STX7: variants seen among roughly 807,000 people sequenced by gnomAD.
STX7 encodes the protein syntaxin-7.
Under a neutral mutation model 39.6 loss-of-function variants are expected in STX7, and 34 were observed. That is an observed-to-expected ratio of 0.86 (90% CI 0.65 to 1.14). STX7 has a LOEUF of 1.14. STX7 is among the 50% of genes most tolerant of loss of function. The pLI is 0.00. For synonymous variants in STX7, 119 were observed against 99.1 expected (o/e 1.20, Z -1.19); for missense variants, 284 against 310.4 (o/e 0.92, Z 0.64).
chr6:132,499,889 TGTCCTGAACTGTA>T (rs1775511329), intron 2 of STX7, among the ~76,000 whole-genome samples: 1 of 152,220 alleles, frequency 6.6e-6, no homozygotes, highest in African/African-American at 2.4e-5. Flanking sequence ...CTCCCCTACT[TGTCCTGAACTGTA>T]GTCCCTCCCG....
intron 1 of STX7, among the ~76,000 whole-genome samples, chr6:132,508,535 G>C (rs921259871): frequency 1.3e-5 from 2 of 152,176 alleles, no homozygotes; most frequent in Admixed American, 1.3e-4. Flanking sequence ...CGTTGTTGTT[G>C]TTTGAGACAG....
intron 2 of STX7, among the ~76,000 whole-genome samples, chr6:132,497,150 CA>C (rs1286582685): frequency 6.6e-6 from 1 of 151,860 alleles, no homozygotes; most frequent in African/African-American, 2.4e-5. Flanking sequence ...TTCATCCTAG[CA>C]AAAAATAAAA....
At chr6:132,463,671 C>T (rs1228528997) in intron 9 of STX7, among the ~76,000 whole-genome samples, 1 of 152,090 alleles carries the variant, frequency 6.6e-6, no homozygotes, top group Non-Finnish European at 1.5e-5. Context: ...GGGCCTATCA[C>T]AAAAAGGTTT....
chr6:132,469,500 T>C (rs1446401059), intron 7 of STX7, among the ~76,000 whole-genome samples: 1 of 152,180 alleles, frequency 6.6e-6, no homozygotes, highest in Non-Finnish European at 1.5e-5. Flanking sequence ...AAAGGAATTA[T>C]TCCAACTCAT....
In STX7 at chr6:132,503,504, A is replaced by G; in HGVS notation, c.27T>C (p.Gly9=). MSYTPGVG[G]DPAQLAQRIS... ...TCCTCTGGGCCAACTGGGCGGGGTCACCACCAACTCCTGGAGTGTAAGACA... is the reference window on the plus strand; with the variant it reads ...TCCTCTGGGCCAACTGGGCGGGGTCGCCACCAACTCCTGGAGTGTAAGACA... Residue 9 remains glycine, a synonymous_variant, in exon 2 of 10, where the codon GGT becomes GGC. Coordinates refer to ENST00000367941, the MANE Select transcript of STX7 (RefSeq NM_003569.3). 3 of 1,614,126 alleles carry G rather than the reference A, an allele frequency of 1.9e-6. No homozygotes were observed. Among genetic ancestry groups the G allele is most frequent in the Non-Finnish European group, 2.5e-6 (3 of 1,179,964 alleles).
At chr6:132,482,058 A>T (rs1312439336) in intron 2 of STX7, among the ~76,000 whole-genome samples, 1 of 152,188 alleles carries the variant, frequency 6.6e-6, no homozygotes, top group African/African-American at 2.4e-5. Context: ...AATTTATCAT[A>T]TTGTTGACCC....
At chr6:132,465,471 C>A (rs1456415302) in intron 8 of STX7, among the ~76,000 whole-genome samples, 2 of 152,158 alleles carry the variant, frequency 1.3e-5, no homozygotes, top group African/African-American at 4.8e-5. Context: ...GCCCCCTTGC[C>A]CCTCCACTTT....
intron 1 of STX7, among the ~76,000 whole-genome samples, chr6:132,510,455 A>G (rs916772272): frequency 3.9e-5 from 6 of 152,334 alleles, no homozygotes; most frequent in African/African-American, 9.6e-5. Flanking sequence ...AAGAAACTAC[A>G]CTTTTACTCT....
intron 2 of STX7, among the ~76,000 whole-genome samples, chr6:132,486,105 A>G (rs1384052125): frequency 6.6e-6 from 1 of 152,200 alleles, no homozygotes; most frequent in Non-Finnish European, 1.5e-5. Flanking sequence ...GCTTTTTTAA[A>G]TTGTAGATTC....
chr6:132,485,953 CATA>C (rs1437941526), intron 2 of STX7, among the ~76,000 whole-genome samples: 6 of 152,250 alleles, frequency 3.9e-5, no homozygotes, highest in African/African-American at 9.6e-5. Context: ...CTAAGTATTT[CATA>C]ATGTTTGATG....
At chr6:132,461,562 G>A (rs182407151) in intron 9 of STX7, among the ~76,000 whole-genome samples, 78 of 151,732 alleles carry the variant, frequency 5.1e-4, no homozygotes, top group African/African-American at 1.6e-3. Context: ...TGCCCACTTC[G>A]GCCTCCCACA....
intron 2 of STX7, among the ~76,000 whole-genome samples, chr6:132,490,558 AT>A (rs1775253903): frequency 2.0e-5 from 3 of 152,192 alleles, no homozygotes; most frequent in African/African-American, 2.4e-5. Context: ...ATATGACCAA[AT>A]TCTCAAAAAC....
chr6:132,485,959 G>A (rs1775122758), intron 2 of STX7, among the ~76,000 whole-genome samples: 1 of 152,116 alleles, frequency 6.6e-6, no homozygotes, highest in Non-Finnish European at 1.5e-5. Context: ...ATTTCATAAT[G>A]TTTGATGTTA....
chr6:132,481,936 A>G (rs1775024736), intron 2 of STX7, among the ~76,000 whole-genome samples: 2 of 151,890 alleles, frequency 1.3e-5, no homozygotes, highest in Admixed American at 1.3e-4. Flanking sequence ...CAAACCTCTA[A>G]TATCATACTC....
Position 132,470,055 on chromosome 6 carries a change from A to G in STX7, c.441-8T>C. On this transcript the variant is annotated splice_polypyrimidine_tract_variant and splice_region_variant and intron_variant, in intron 6 of 9. Transcript: ENST00000367941. ...ACTTGAGGTTGAGTTTGGCTAACAG[A>G]AAAAAATGAATGTGGAAAAAAACAA... is the stretch of plus-strand genomic sequence containing the variant. 1 of 1,568,186 alleles carries G rather than the reference A, an allele frequency of 6.4e-7. No individual in the cohort carries two copies. Among genetic ancestry groups the G allele is most frequent in the Non-Finnish European group, 8.6e-7 (1 of 1,164,324 alleles).
Position 132,477,858 on chromosome 6 carries a change from C to T in STX7, c.86-2196G>A, listed in dbSNP as rs115009129. Among the ~76,000 whole-genome samples the T allele has an allele frequency of 3.7e-3, 568 of 152,218 alleles. 5 individuals are homozygous for T. The highest frequency in any genetic ancestry group is 0.013 in the African/African-American group (547 of 41,540). ...GTAATTATTTTTGGTAACAGAACAACAGCCCAGTAAAAAATGGACAAAGGT... is the reference window on the plus strand; with the variant it reads ...GTAATTATTTTTGGTAACAGAACAATAGCCCAGTAAAAAATGGACAAAGGT... On this transcript the variant is annotated intron_variant, in intron 2 of 9. Transcript: ENST00000367941.
At position 132,450,047 on chromosome 6, in the gene STX7, T is replaced by C. The variant is rs1774106678; in HGVS notation, c.*10711A>G. ...GAATCTTAGGTTCACTTTCTTTACT[T>C]TGCCTGGAGTCCATGGCTTAAGTCT... On this transcript the variant is annotated 3_prime_UTR_variant, in exon 10 of 10. Transcript: ENST00000367941. 2 of 152,228 alleles carry C rather than the reference T, an allele frequency of 1.3e-5. No individual in the cohort carries two copies. The highest frequency in any genetic ancestry group is 2.9e-5 in the Non-Finnish European group (2 of 68,036). 9.4% of individuals were successfully genotyped at this position (152,228 alleles called of 1,614,324 possible).
intron 3 of STX7, among the ~76,000 whole-genome samples, chr6:132,474,132 G>A (rs1005789491): frequency 1.1e-4 from 16 of 150,976 alleles, no homozygotes; most frequent in Non-Finnish European, 2.9e-5. Flanking sequence ...GTAGGCTGAG[G>A]TGGGAGAATC....
intron 9 of STX7, among the ~76,000 whole-genome samples, chr6:132,461,211 C>G (rs1047001967): frequency 6.6e-6 from 1 of 152,142 alleles, no homozygotes; most frequent in African/African-American, 2.4e-5. Flanking sequence ...AGCTTACGAG[C>G]TTAAACATTC....
Sources: allele counts gnomAD v4.1 joint callset (sites outside exome capture counted in the v4.1 genomes callset), GRCh38; gene constraint gnomAD v4.1.1; transcripts MANE v1.5; gene names NCBI Gene and HGNC (gene_info 2026-07-23, HGNC 2026-07-21).